COL17A1: variants seen among roughly 807,000 people sequenced by gnomAD.
The protein encoded by COL17A1 is collagen alpha-1(XVII) chain.
A neutral mutation model predicts 218.4 loss-of-function variants in COL17A1; 181 were observed. The ratio of observed to expected loss-of-function variants is 0.83; its 90% CI spans 0.73 to 0.94. The LOEUF (loss-of-function observed/expected upper bound fraction) is 0.94, where lower values mean the gene tolerates loss of function less well. COL17A1 is among the 40% of genes least tolerant of loss of function. COL17A1 has a pLI of 0.00. For missense variants in COL17A1, 1,924 were observed against 1,945.9 expected, an observed-to-expected ratio of 0.99 and a Z score of 0.21; for synonymous variants, 721 against 731.0, an observed-to-expected ratio of 0.99 and a Z score of 0.22.
At position 104,055,963 on chromosome 10, in the gene COL17A1, C is replaced by T; in HGVS notation, c.1506G>A (p.Leu502=). Residue 502 remains leucine (L), a synonymous_variant, in exon 18 of 56, where the codon CTG becomes CTA. Coordinates refer to ENST00000648076, the MANE Select transcript of COL17A1 (RefSeq NM_000494.4). ...GCAGTATGCTCCTCCTGATCCTCTC[C>T]AGCTCATCCACACGCGCCTTCAGCT... ...VRKLKARVDE[L]ERIRRSILPY... The T allele has an allele frequency of 6.2e-7, 1 of 1,614,178 alleles. No homozygotes were observed. The highest frequency in any genetic ancestry group is 1.1e-5 in the South Asian group (1 of 91,082).
At position 104,040,337 on chromosome 10, in the gene COL17A1, T is replaced by C. The variant is rs754197220; in HGVS notation, c.2761+14A>G. On this transcript the variant is annotated intron_variant, in intron 40 of 55. Coordinates refer to ENST00000648076, the MANE Select transcript of COL17A1 (RefSeq NM_000494.4). The stretch of plus-strand genomic sequence containing the variant: ...ACATACTGGCTTCTGGGTTCCCTGA[T>C]ACACTGTTCTCACCTTGGTCTCCCT... The C allele has an allele frequency of 1.9e-6, 3 of 1,588,348 alleles. No individual in the cohort carries two copies. Among genetic ancestry groups the C allele is most frequent in the South Asian group, 1.1e-5 (1 of 90,554 alleles).
intron 34 of COL17A1, 116 bp downstream of exon 34, chr10:104,043,709 C>T (rs1440863559): frequency 4.8e-5 from 73 of 1,515,078 alleles, no homozygotes; most frequent in Non-Finnish European, 6.3e-5. Context: ...TCCCTCCTCC[C>T]CCGCTACTGA....
chr10:104,047,827 C>T lies in COL17A1; in HGVS notation c.2264-17G>A. 1 of 1,608,276 alleles carries T rather than the reference C, an allele frequency of 6.2e-7. No individual in the cohort carries two copies. The highest frequency in any genetic ancestry group is 8.5e-7 in the Non-Finnish European group (1 of 1,174,698). ...CTTGTTCACCTAGAGAGAGAATGGC[C>T]AACGTGGAAGTGTTTACATTTAGGA... On this transcript the variant is annotated splice_polypyrimidine_tract_variant and intron_variant, in intron 30 of 55. Coordinates refer to ENST00000648076, the MANE Select transcript of COL17A1 (RefSeq NM_000494.4).
At chr10:104,038,278 A>T (rs2086322398) in intron 45 of COL17A1, 128 bp downstream of exon 45, 2 of 791,826 alleles carry the variant, frequency 2.5e-6, no homozygotes, top group Non-Finnish European at 4.1e-6. Flanking sequence ...ACACACACAC[A>T]CACTCCCACT....
chr10:104,067,675 G>T (rs2134640712), intron 9 of COL17A1, among the ~76,000 whole-genome samples: 1 of 152,246 alleles, frequency 6.6e-6, no homozygotes, highest in South Asian at 2.1e-4. Flanking sequence ...CAGGTGTGGG[G>T]GCGGCAGGAG....
intron 2 of COL17A1, among the ~76,000 whole-genome samples, chr10:104,079,698 C>T (rs988577452): frequency 1.3e-5 from 2 of 152,090 alleles, no homozygotes; most frequent in African/African-American, 2.4e-5. Context: ...GAGGCCGAGG[C>T]GGGCAGATCA....
At chr10:104,045,626 C>T (rs1009103483) in intron 33 of COL17A1, 132 bp downstream of exon 33, 2 of 820,810 alleles carry the variant, frequency 2.4e-6, no homozygotes, top group Non-Finnish European at 4.2e-6. Flanking sequence ...AGCCTCATAG[C>T]CCTCTGCTAG....
chr10:104,078,066 G>A (rs1408998260), intron 3 of COL17A1, among the ~76,000 whole-genome samples: 1 of 152,198 alleles, frequency 6.6e-6, no homozygotes, highest in Non-Finnish European at 1.5e-5. Context: ...CGGGGGCAGG[G>A]GGTAGCTTTT....
Position 104,033,973 on chromosome 10 carries a change from C to T in COL17A1, c.4128G>A (p.Leu1376=), listed in dbSNP as rs779794539. 53 of 1,614,088 alleles carry T rather than the reference C, an allele frequency of 3.3e-5. No homozygotes were observed. The highest frequency in any genetic ancestry group is 1.3e-4 in the Admixed American group (8 of 60,016). ...GCATGCTCTCTGACACCCTCACAGC[C>T]AGCTCATTGTAATCCAGATCTCCAG... The part of the protein sequence containing the change: ...DFAGDLDYNE[L]AVRVSESMQR... Residue 1376 remains leucine, a synonymous_variant, in exon 52 of 56, where the codon CTG becomes CTA. Transcript: ENST00000648076.
At chr10:104,060,849 C>T (rs1414357846) in intron 13 of COL17A1, among the ~76,000 whole-genome samples, 1 of 152,220 alleles carries the variant, frequency 6.6e-6, no homozygotes, top group East Asian at 1.9e-4. Context: ...AGGAATCTAT[C>T]CTGTCGTGTT....
At chr10:104,067,339 A>T (rs1431951043) in intron 9 of COL17A1, among the ~76,000 whole-genome samples, 1 of 118,238 alleles carries the variant, frequency 8.5e-6, no homozygotes, top group Non-Finnish European at 2.1e-5. Flanking sequence ...AGGAATAAAA[A>T]AAAAAAAAAA....
At chr10:104,062,765 C>T (rs963243835) in intron 11 of COL17A1, among the ~76,000 whole-genome samples, 3 of 152,150 alleles carry the variant, frequency 2.0e-5, no homozygotes, top group Admixed American at 6.5e-5. Flanking sequence ...CTAGTATTCC[C>T]GTTAGCCCTT....
chr10:104,048,513 C>G (rs2086436079), intron 29 of COL17A1, among the ~76,000 whole-genome samples: 1 of 152,208 alleles, frequency 6.6e-6, no homozygotes, highest in Non-Finnish European at 1.5e-5. Flanking sequence ...CCTGCTCGTG[C>G]TGTCATCCCT....
At position 104,077,579 on chromosome 10, in the gene COL17A1, T is replaced by A. The variant is rs1003528801; in HGVS notation, c.98-53A>T. The A allele has an allele frequency of 2.1e-6, 3 of 1,433,060 alleles. No individual in the cohort carries two copies. The African/African-American group carries it at 4.2e-5, about 20-fold the overall frequency. 88.8% of individuals were successfully genotyped at this position (1,433,060 alleles called of 1,614,324 possible). A position where few individuals can be genotyped will look rare whatever the true frequency, so the allele number is the denominator to read the frequency against. On this transcript the variant is annotated intron_variant, in intron 3 of 55. Transcript: ENST00000648076. ...TTCAGGGTGGAGTCAGGCCAGAGGATCCCCTGGTCCCCCACCCTGTGGAAG... is the reference window on the plus strand; with the variant it reads ...TTCAGGGTGGAGTCAGGCCAGAGGAACCCCTGGTCCCCCACCCTGTGGAAG...
chr10:104,033,744 G>C (rs985236682), intron 52 of COL17A1, among the ~76,000 whole-genome samples: 3 of 152,200 alleles, frequency 2.0e-5, no homozygotes, highest in African/African-American at 7.2e-5. Flanking sequence ...AGCGTGCTCT[G>C]TTCCCCACAG....
rs892588947 is a variant in COL17A1 at position 104,080,546 on chromosome 10, A to T, written c.52+76T>A. The T allele has an allele frequency of 1.1e-5, 17 of 1,498,940 alleles. No homozygotes were observed. In the African/African-American group the frequency reaches 2.2e-4, roughly 20 times the overall value. 92.9% of individuals were successfully genotyped at this position (1,498,940 alleles called of 1,614,324 possible). A position where few individuals can be genotyped will look rare whatever the true frequency, so the allele number is the denominator to read the frequency against. ...AGTGGTTGTGGTAGAATTATTAATG[A>T]ATTACTTATTCTGTTTCCAAATTTT... is the stretch of plus-strand genomic sequence containing the variant. On this transcript the variant is annotated intron_variant, in intron 2 of 55. Transcript: ENST00000648076.
intron 11 of COL17A1, 78 bp from the exon 12 acceptor site, chr10:104,062,407 C>T (rs1024882966): frequency 8.2e-6 from 13 of 1,586,776 alleles, no homozygotes; most frequent in East Asian, 2.2e-5. Context: ...CCCAGAGTCC[C>T]AAACCACTTT....
At chr10:104,036,217 G>GGT (rs200119181) in intron 48 of COL17A1, among the ~76,000 whole-genome samples, 4 of 27,314 alleles carry the variant, frequency 1.5e-4, no homozygotes, top group Admixed American at 4.5e-4. Context: ...TGTGAGTATG[G>GGT]GTGTGTGTGT....
chr10:104,061,538 C>A (rs923840464), intron 12 of COL17A1, 65 bp from the exon 13 acceptor site: 48 of 1,403,984 alleles, frequency 3.4e-5, no homozygotes, highest in Non-Finnish European at 4.5e-5. Flanking sequence ...GAAGCCTGAT[C>A]AGCCCTGGCA....
Sources: allele counts gnomAD v4.1 joint callset (sites outside exome capture counted in the v4.1 genomes callset), GRCh38; gene constraint gnomAD v4.1.1; transcripts MANE v1.5; gene names NCBI Gene and HGNC (gene_info 2026-07-23, HGNC 2026-07-21).